AZIN1: variants seen among roughly 807,000 people sequenced by gnomAD.
AZIN1 encodes antizyme inhibitor 1.
AZIN1 carries 12 observed loss-of-function variants against 47.4 expected under a neutral mutation model. The ratio of observed to expected loss-of-function variants is 0.25; its 90% CI spans 0.16 to 0.41. The LOEUF is 0.41. AZIN1 is among the 10% of genes least tolerant of loss of function. AZIN1 has a pLI of 1.00. For synonymous variants in AZIN1, 155 were observed against 176.3 expected, an observed-to-expected ratio of 0.88 and a Z score of 0.96; for missense variants, 410 against 532.4, an observed-to-expected ratio of 0.77 and a Z score of 2.26.
At chr8:102,835,346 G>A (rs904359262) in intron 6 of AZIN1, 2 of 152,328 alleles carry the variant, frequency 1.3e-5, no homozygotes, top group African/African-American at 4.8e-5. Context: ...ATTCGAGATA[G>A]TACTTCATTA....
chr8:102,850,295 C>G (rs138860162), intron 2 of AZIN1: 6 of 152,302 alleles, frequency 3.9e-5, no homozygotes, highest in African/African-American at 1.4e-4. Context: ...TACACTATTA[C>G]TGTTACTCTG....
intron 1 of AZIN1, among the ~76,000 whole-genome samples, chr8:102,862,946 G>A (rs951568607): frequency 6.6e-6 from 1 of 152,230 alleles, no homozygotes; most frequent in Non-Finnish European, 1.5e-5. Context: ...GACAGTAGTT[G>A]ATAAGCCACC....
Position 102,843,683 on chromosome 8 carries a change from T to C in AZIN1, c.-31A>G. The stretch of plus-strand genomic sequence containing the variant: ...CCGTATTCCACAAAGCCGAAAGTCA[T>C]AAACCAGGAAAGACAAGAGACGGGC... On this transcript the variant is annotated 5_prime_UTR_variant, in exon 3 of 12. It removes an upstream start codon present in the reference 5' UTR. Transcript: ENST00000337198. The C allele has an allele frequency of 6.2e-7, 1 of 1,613,198 alleles. No individual in the cohort carries two copies.
intron 9 of AZIN1, among the ~76,000 whole-genome samples, chr8:102,831,005 A>G (rs950444472): frequency 1.3e-5 from 2 of 152,128 alleles, no homozygotes; most frequent in Admixed American, 6.6e-5. Context: ...CAGCTACTCT[A>G]CTCTTAGCAC....
intron 1 of AZIN1, among the ~76,000 whole-genome samples, chr8:102,863,016 A>C (rs536048835): frequency 3.9e-5 from 6 of 152,376 alleles, no homozygotes; most frequent in African/African-American, 1.4e-4. Context: ...AAACGAAGCC[A>C]TGGTGACTAA....
chr8:102,859,238 G>T (rs1813477683), intron 1 of AZIN1: 1 of 152,118 alleles, frequency 6.6e-6, no homozygotes, highest in African/African-American at 2.4e-5. Context: ...TCCAAATAAT[G>T]TACTACTCCA....
intron 1 of AZIN1, among the ~76,000 whole-genome samples, chr8:102,860,883 T>G (rs922169771): frequency 6.6e-6 from 1 of 152,172 alleles, no homozygotes; most frequent in African/African-American, 2.4e-5. Flanking sequence ...AGGGGAGTAT[T>G]CTACCAGATA....
At chr8:102,849,448 C>T (rs1812790429) in intron 2 of AZIN1, among the ~76,000 whole-genome samples, 1 of 152,148 alleles carries the variant, frequency 6.6e-6, no homozygotes, top group South Asian at 2.1e-4. Context: ...TGTACCACTT[C>T]TTCTGGCTTA....
intron 1 of AZIN1, among the ~76,000 whole-genome samples, chr8:102,859,722 G>A (rs1446117113): frequency 6.6e-6 from 1 of 152,182 alleles, no homozygotes; most frequent in Non-Finnish European, 1.5e-5. Context: ...TGTAATCCCA[G>A]CTACTCAGGA....
intron 2 of AZIN1, among the ~76,000 whole-genome samples, chr8:102,849,689 C>T (rs892942637): frequency 1.3e-5 from 2 of 152,156 alleles, no homozygotes; most frequent in African/African-American, 4.8e-5. Flanking sequence ...TATTAACATA[C>T]GGTTGAGAAA....
At chr8:102,842,949 G>T (rs897803800) in intron 3 of AZIN1, among the ~76,000 whole-genome samples, 1 of 151,906 alleles carries the variant, frequency 6.6e-6, no homozygotes, top group South Asian at 2.1e-4. Flanking sequence ...GGGCGCGGTG[G>T]CTCGTGCCTG....
At chr8:102,853,314 C>T (rs1264954859) in intron 2 of AZIN1, among the ~76,000 whole-genome samples, 2 of 152,184 alleles carry the variant, frequency 1.3e-5, no homozygotes, top group African/African-American at 4.8e-5. Context: ...ACAAGTCTGA[C>T]CAATATGGTG....
chr8:102,845,546 T>C (rs6991188), intron 2 of AZIN1, among the ~76,000 whole-genome samples: 33,267 of 152,034 alleles, frequency 0.22, 4,195 homozygotes, highest in African/African-American at 0.34. Flanking sequence ...GCCCAGAAAA[T>C]ATAGACATTT....
At chr8:102,844,851 A>G (rs1477922280) in intron 2 of AZIN1, among the ~76,000 whole-genome samples, 2 of 152,190 alleles carry the variant, frequency 1.3e-5, no homozygotes, top group Non-Finnish European at 2.9e-5. Flanking sequence ...ACTCAAATCA[A>G]TGAAATAAAC....
At chr8:102,863,488 G>A (rs1314882416) in intron 1 of AZIN1, among the ~76,000 whole-genome samples, 1 of 151,528 alleles carries the variant, frequency 6.6e-6, no homozygotes, top group South Asian at 2.1e-4. Context: ...CGCCAGGAGG[G>A]GACGGCGACC....
intron 2 of AZIN1, among the ~76,000 whole-genome samples, chr8:102,852,577 AT>A (rs1812979835): frequency 1.3e-5 from 2 of 152,142 alleles, no homozygotes; most frequent in Non-Finnish European, 2.9e-5. Context: ...TCTCAAAAAA[AT>A]AATAGTAAAA....
chr8:102,829,894 A>G lies in AZIN1; in HGVS notation c.947T>C (p.Met316Thr). The G allele has an allele frequency of 1.2e-6, 2 of 1,613,286 alleles. No homozygotes were observed. Among genetic ancestry groups the G allele is most frequent in the Non-Finnish European group, 1.7e-6 (2 of 1,179,680 alleles). ...AAAAGAACCATAAACACCATCATTC[A>G]TATAATACATGAAGGCTGGTTCATC... ...GSDEPAFMYYMNDGVYGSFAS... is the reference protein window; with the variant it reads ...GSDEPAFMYYTNDGVYGSFAS... The change falls in exon 10 of 12, where the codon ATG becomes ACG. Residue 316 changes from methionine (M) to threonine (T), a missense_variant. Transcript: ENST00000337198.
At chr8:102,858,695 T>A (rs1268583499) in intron 1 of AZIN1, among the ~76,000 whole-genome samples, 1 of 152,204 alleles carries the variant, frequency 6.6e-6, no homozygotes, top group Non-Finnish European at 1.5e-5. Flanking sequence ...TATATATGTA[T>A]CTAACATAAC....
chr8:102,828,748 A>G lies in AZIN1; in HGVS notation c.1236-70T>C, dbSNP rs777797895. On this transcript the variant is annotated intron_variant, in intron 11 of 11. Transcript: ENST00000337198. ...GACCACGTAATCACATAACAAATGGATAATAAAACAGGATTATAACTAGTC... is the reference window on the plus strand; with the variant it reads ...GACCACGTAATCACATAACAAATGGGTAATAAAACAGGATTATAACTAGTC... The G allele has an allele frequency of 4.1e-4, 374 of 921,720 alleles. 1 individual carries two copies. In the Middle Eastern group the frequency reaches 6.3e-3, roughly 16 times the overall value. The allele number at this position is 921,720 out of a possible 1,614,324, so 57.1% of individuals were successfully genotyped here. A position where few individuals can be genotyped will look rare whatever the true frequency, so the allele number is the denominator to read the frequency against.
Sources: allele counts gnomAD v4.1 joint callset (sites outside exome capture counted in the v4.1 genomes callset), GRCh38; gene constraint gnomAD v4.1.1; transcripts MANE v1.5; gene names NCBI Gene and HGNC (gene_info 2026-07-23, HGNC 2026-07-21).